Variants in RRP12 observed in about 807,000 individuals in gnomAD.
RRP12 encodes ribosomal RNA processing 12 homolog.
A neutral mutation model predicts 157.3 loss-of-function variants in RRP12; 78 were observed. That is an observed-to-expected ratio of 0.50 (90% CI 0.41 to 0.60). The LOEUF is 0.60. RRP12 is among the 20% of genes least tolerant of loss of function. The probability of loss-of-function intolerance (pLI) is 0.00; values close to 1 mark genes in which losing one functional copy is unlikely to be tolerated. For missense variants in RRP12, 1,521 were observed against 1,679.9 expected (o/e 0.91, Z 1.65); for synonymous variants, 726 against 670.9 (o/e 1.08, Z -1.27).
At chr10:97,387,303 C>A (rs1345524543) in intron 8 of RRP12, among the ~76,000 whole-genome samples, 1 of 149,618 alleles carries the variant, frequency 6.7e-6, no homozygotes, top group East Asian at 2.0e-4. Flanking sequence ...TGAATATTTT[C>A]TTTTCTTTTT....
chr10:97,381,350 C>T (rs1380827595), intron 12 of RRP12, 36 bp downstream of exon 12: 1 of 1,475,818 alleles, frequency 6.8e-7, no homozygotes, highest in Non-Finnish European at 9.3e-7. Flanking sequence ...CTCAAGGTAC[C>T]ACCATCCCTT....
At chr10:97,373,979 T>C (rs904341095) in intron 15 of RRP12, 85 bp from the exon 16 acceptor site, 7 of 1,119,006 alleles carry the variant, frequency 6.3e-6, no homozygotes, top group South Asian at 3.9e-5. Flanking sequence ...AAAAGCCCAA[T>C]GATGAGGACA....
chr10:97,385,887 G>A lies in RRP12; in HGVS notation c.1116+8C>T. On this transcript the variant is annotated splice_region_variant and intron_variant, in intron 9 of 33. Transcript: ENST00000370992. ...CTAATGCCCCCACATCCCACCAACA[G>A]GCCTCACCGTGATGATCTGGGCGTT... 6.3e-7 allele frequency: 1 copy of A among 1,589,206 alleles called. No individual in the cohort carries two copies. The highest frequency in any genetic ancestry group is 2.3e-5 in the East Asian group (1 of 44,094).
Position 97,379,391 on chromosome 10 carries a change from C to A in RRP12, c.1700G>T (p.Ser567Ile). The A allele has an allele frequency of 6.2e-7, 1 of 1,614,106 alleles. No individual in the cohort carries two copies. The highest frequency in any genetic ancestry group is 8.5e-7 in the Non-Finnish European group (1 of 1,180,016). Residue 567 changes from serine (S) to isoleucine (I), a missense_variant, in exon 15 of 34, where the codon AGC becomes ATC. Ser to Ile is a moderately radical substitution (Grantham distance 142). Coordinates refer to ENST00000370992, the MANE Select transcript of RRP12 (RefSeq NM_015179.4). Reference sequence around the variant, plus strand: ...GTCTCGGATGACAGGCAGCAGCCAGCTCCGTGGGAAATCCAGAGTCTCCCT... The same window carrying A: ...GTCTCGGATGACAGGCAGCAGCCAGATCCGTGGGAAATCCAGAGTCTCCCT... ...GSEETLDFPR[S>I]WLLPVIRDHV...
In RRP12 at chr10:97,394,125, G is replaced by A. The variant is rs547312296; in HGVS notation, c.454-365C>T. ...TGGGAGGCCGAGGAGGGCAGATCAC[G>A]AGGTCAGGAGACCGAGACCATCCTG... is the stretch of plus-strand genomic sequence containing the variant. On this transcript the variant is annotated intron_variant, in intron 3 of 33. Transcript: ENST00000370992. Among the ~76,000 whole-genome samples, 14 of 152,202 alleles carry A rather than the reference G, an allele frequency of 9.2e-5. No individual in the cohort carries two copies. The East Asian group carries it at 1.5e-3, about 17-fold the overall frequency.
chr10:97,370,753 G>T lies in RRP12; in HGVS notation c.2546C>A (p.Ala849Asp). 1 of 1,614,140 alleles carries T rather than the reference G, an allele frequency of 6.2e-7. No individual in the cohort carries two copies. The highest frequency in any genetic ancestry group is 8.5e-7 in the Non-Finnish European group (1 of 1,180,010). ...GGCAGTGATGAACTCCTTGTGTTCAGCTGAGAGCTTCCTCACGATGTGTAG... is the reference window on the plus strand; with the variant it reads ...GGCAGTGATGAACTCCTTGTGTTCATCTGAGAGCTTCCTCACGATGTGTAG... The part of the protein sequence containing the change: ...CLLHIVRKLS[A>D]EHKEFITALI... Residue 849 changes from alanine (A) to aspartate (D), a missense_variant, in exon 22 of 34, where the codon GCT (alanine) becomes GAT (aspartate). Transcript: ENST00000370992.
chr10:97,371,209 G>A (rs1171846057), intron 20 of RRP12, 128 bp from the exon 21 acceptor site: 3 of 993,448 alleles, frequency 3.0e-6, no homozygotes, highest in Admixed American at 2.6e-5. Flanking sequence ...CTTGACAGAG[G>A]ACCAGTGGAA....
chr10:97,390,594 A>G, intron 5 of RRP12, 55 bp from the exon 6 acceptor site: 1 of 1,469,138 alleles, frequency 6.8e-7, no homozygotes, highest in Non-Finnish European at 9.5e-7. Flanking sequence ...GAGGGAAAAG[A>G]GCCCAGGTTC....
At chr10:97,392,500 C>T (rs1172200082) in intron 4 of RRP12, among the ~76,000 whole-genome samples, 3 of 151,866 alleles carry the variant, frequency 2.0e-5, no homozygotes, top group Admixed American at 6.6e-5. Context: ...CAGGCATGTA[C>T]CACTACACCT....
intron 30 of RRP12, among the ~76,000 whole-genome samples, chr10:97,362,152 A>G (rs1318553528): frequency 1.3e-5 from 2 of 150,178 alleles, no homozygotes; most frequent in Non-Finnish European, 3.0e-5. Context: ...CATGCAAGAA[A>G]CCCTCTGGGG....
chr10:97,381,894 G>A, intron 10 of RRP12, 68 bp from the exon 11 acceptor site: 1 of 1,078,900 alleles, frequency 9.3e-7, no homozygotes. Flanking sequence ...CAGGGCTCAG[G>A]GCTGAGACGG....
Position 97,357,087 on chromosome 10 carries a change from C to T in RRP12, c.*7G>A. ...TGGACCACAGGGCAGCCCAGGGGCC[C>T]TGGGCCTCAGGGTCGACGATCCTTT... On this transcript the variant is annotated 3_prime_UTR_variant, in exon 34 of 34. Transcript: ENST00000370992. 6.3e-7 allele frequency: 1 copy of T among 1,596,466 alleles called. No homozygotes were observed. The highest frequency in any genetic ancestry group is 8.6e-7 in the Non-Finnish European group (1 of 1,164,692).
At position 97,356,941 on chromosome 10, in the gene RRP12, A is replaced by G; in HGVS notation, c.*153T>C. On this transcript the variant is annotated 3_prime_UTR_variant, in exon 34 of 34. Coordinates refer to ENST00000370992, the MANE Select transcript of RRP12 (RefSeq NM_015179.4). Reference sequence around the variant, plus strand: ...AGGGTGATTCCATTTGGAGTTTCCAAAATCCAGGACTTCTGAGAGCCAAGC... The same window carrying G: ...AGGGTGATTCCATTTGGAGTTTCCAGAATCCAGGACTTCTGAGAGCCAAGC... 2 of 568,794 alleles carry G rather than the reference A, an allele frequency of 3.5e-6. No individual in the cohort carries two copies. The allele number at this position is 568,794 out of a possible 1,614,324, so 35.2% of individuals were successfully genotyped here.
At chr10:97,365,842 G>A (rs1053849675) in intron 29 of RRP12, 15 of 424,598 alleles carry the variant, frequency 3.5e-5, no homozygotes, top group Non-Finnish European at 5.5e-5. Flanking sequence ...AAACAGAAGA[G>A]ACTAACAGCG....
chr10:97,392,386 G>A (rs1243427755), intron 4 of RRP12, among the ~76,000 whole-genome samples: 1 of 152,126 alleles, frequency 6.6e-6, no homozygotes, highest in East Asian at 1.9e-4. Flanking sequence ...GTCTCACTCT[G>A]TTGCCCAGGC....
At chr10:97,381,613 C>T in intron 11 of RRP12, 102 bp downstream of exon 11, 1 of 1,243,096 alleles carries the variant, frequency 8.0e-7, no homozygotes, top group Non-Finnish European at 1.1e-6. Context: ...TGAGAGCGGC[C>T]TCTCTGGGCC....
Position 97,357,097 on chromosome 10 carries a change from G to C in RRP12, c.3891C>G (p.Pro1297=). The C allele has an allele frequency of 6.2e-7, 1 of 1,608,336 alleles. No individual in the cohort carries two copies. The highest frequency in any genetic ancestry group is 8.5e-7 in the Non-Finnish European group (1 of 1,175,076). Residue 1297 remains proline (P), a synonymous_variant, in exon 34 of 34, where the codon CCC becomes CCG. Coordinates refer to ENST00000370992, the MANE Select transcript of RRP12 (RefSeq NM_015179.4). ...GHKNRRKDRR[P] The stretch of plus-strand genomic sequence containing the variant: ...GGCAGCCCAGGGGCCCTGGGCCTCA[G>C]GGTCGACGATCCTTTCTGCGGTTTT...
intron 33 of RRP12, among the ~76,000 whole-genome samples, chr10:97,357,908 G>A (rs1325254053): frequency 4.0e-5 from 6 of 149,672 alleles, no homozygotes; most frequent in Admixed American, 6.7e-5. Flanking sequence ...GCAGTAAGCC[G>A]AGATCGTGCC....
At chr10:97,376,212 C>CTTTTTTTTTTTTTTT (rs771016888) in intron 15 of RRP12, among the ~76,000 whole-genome samples, 1 of 107,536 alleles carries the variant, frequency 9.3e-6, no homozygotes, top group Non-Finnish European at 1.8e-5. Flanking sequence ...CTTTTACTTT[C>CTTTTTTTTTTTTTTT]TTTTTTTTTT....
Sources: gnomAD v4.1 joint callset for allele counts (sites outside exome capture counted in the v4.1 genomes callset) on GRCh38, gnomAD v4.1.1 for gene constraint, MANE v1.5 for transcripts, NCBI Gene and HGNC (gene_info 2026-07-23, HGNC 2026-07-21) for gene names.